Variants in ZNF277 observed in about 807,000 individuals in gnomAD.
The protein encoded by ZNF277 is nuclear receptor-interacting factor 4.
Under a neutral mutation model 60.7 loss-of-function variants are expected in ZNF277, and 55 were observed. That is an observed-to-expected ratio of 0.91 (90% CI 0.73 to 1.13). The LOEUF (loss-of-function observed/expected upper bound fraction) is 1.13. ZNF277 is among the 50% of genes most tolerant of loss of function. The probability of loss-of-function intolerance (pLI) is 0.00; values close to 1 mark genes in which losing one functional copy is unlikely to be tolerated. For missense variants in ZNF277, 510 were observed against 523.0 expected (o/e 0.98, Z 0.24); for synonymous variants, 178 against 179.3 (o/e 0.99, Z 0.06).
At chr7:112,281,299 T>C (rs1168493420) in intron 1 of ZNF277, among the ~76,000 whole-genome samples, 1 of 152,110 alleles carries the variant, frequency 6.6e-6, no homozygotes, top group East Asian at 1.9e-4. Flanking sequence ...GCTCTCCAGG[T>C]GATAAAACTC....
Position 112,291,227 on chromosome 7 carries a change from A to G in ZNF277, c.293+4153A>G, listed in dbSNP as rs6979924. Among the ~76,000 whole-genome samples the G allele has an allele frequency of 9.5e-3, 1,452 of 152,220 alleles. 18 individuals are homozygous for G. The highest frequency in any genetic ancestry group is 0.033 in the African/African-American group (1,359 of 41,540). ...AACTTCTTATTTCTTACCCTTTTCT[A>G]TATTAAATTCCACACATTCACTGCT... On this transcript the variant is annotated intron_variant, in intron 2 of 11. Coordinates refer to ENST00000361822, the MANE Select transcript of ZNF277 (RefSeq NM_021994.3).
chr7:112,259,191 A>G (rs1791388169), intron 1 of ZNF277, among the ~76,000 whole-genome samples: 1 of 152,118 alleles, frequency 6.6e-6, no homozygotes. Context: ...ATTTTGTTTC[A>G]TTACCCCCAA....
At chr7:112,245,633 G>A (rs1448176508) in intron 1 of ZNF277, among the ~76,000 whole-genome samples, 1 of 152,104 alleles carries the variant, frequency 6.6e-6, no homozygotes, top group Admixed American at 6.5e-5. Context: ...CCTACCTTCT[G>A]GTGACTTTCC....
intron 1 of ZNF277, among the ~76,000 whole-genome samples, chr7:112,268,413 A>G (rs148449364): frequency 0.017 from 2,634 of 152,066 alleles, 35 homozygotes; most frequent in Non-Finnish European, 0.026. Context: ...AGTTTTTCTC[A>G]GGAGCTTGGA....
intron 2 of ZNF277, among the ~76,000 whole-genome samples, chr7:112,291,288 T>A (rs1231242111): frequency 1.3e-5 from 2 of 152,154 alleles, no homozygotes; most frequent in Admixed American, 1.3e-4. Context: ...CCTTTATGAC[T>A]ATGTCAATAA....
chr7:112,314,372 G>GA (rs1383709337), intron 4 of ZNF277, among the ~76,000 whole-genome samples: 1 of 152,142 alleles, frequency 6.6e-6, no homozygotes, highest in Non-Finnish European at 1.5e-5. Flanking sequence ...AGTGGCTTCA[G>GA]AAATCATAGT....
chr7:112,313,951 A>G (rs1196853276), intron 4 of ZNF277, among the ~76,000 whole-genome samples: 1 of 152,136 alleles, frequency 6.6e-6, no homozygotes, highest in Non-Finnish European at 1.5e-5. Flanking sequence ...TTGAGAATCT[A>G]CTATAAGAAA....
intron 4 of ZNF277, among the ~76,000 whole-genome samples, chr7:112,312,008 G>A (rs1317066747): frequency 6.6e-6 from 1 of 152,044 alleles, no homozygotes; most frequent in African/African-American, 2.4e-5. Flanking sequence ...AGAAATAGAA[G>A]CCATGGGAAA....
At chr7:112,235,046 T>C (rs1397549523) in intron 1 of ZNF277, among the ~76,000 whole-genome samples, 1 of 152,018 alleles carries the variant, frequency 6.6e-6, no homozygotes, top group African/African-American at 2.4e-5. Context: ...CCTGCAGAAA[T>C]TTATTTTATT....
intron 1 of ZNF277, among the ~76,000 whole-genome samples, chr7:112,257,904 C>T (rs555476631): frequency 3.3e-5 from 5 of 152,038 alleles, no homozygotes; most frequent in South Asian, 2.1e-4. Context: ...ACCCCGAACT[C>T]CTAGGCTCAA....
chr7:112,310,484 T>A (rs1380619211), intron 4 of ZNF277, among the ~76,000 whole-genome samples: 3,679 of 94,280 alleles, frequency 0.039, 282 homozygotes, highest in African/African-American at 0.19. Context: ...AGAGAGTGTG[T>A]GTGTGTGTAT....
rs1377855255 is a variant in ZNF277 at position 112,210,478 on chromosome 7, G to GT, written c.91+3682dup. On this transcript the variant is annotated intron_variant, in intron 1 of 11. Coordinates refer to ENST00000361822, the MANE Select transcript of ZNF277 (RefSeq NM_021994.3). The stretch of plus-strand genomic sequence containing the variant: ...TTTTTGTTTTTTGTTTTTTTTTTTT[G>GT]TTTTTTTTTTTGAGACAGAGTCCTG... 3.2e-3 allele frequency among the ~76,000 whole-genome samples: 370 copies of GT among 116,848 alleles called. 4 individuals are homozygous for GT. Among genetic ancestry groups the GT allele is most frequent in the African/African-American group, 9.5e-3 (302 of 31,862 alleles). The allele number at this position is 116,848 out of a possible 152,430, so 76.7% of individuals were successfully genotyped here.
intron 1 of ZNF277, among the ~76,000 whole-genome samples, chr7:112,241,709 G>A: frequency 6.6e-6 from 1 of 152,134 alleles, no homozygotes; most frequent in East Asian, 1.9e-4. Flanking sequence ...CAACAACATG[G>A]ATGGAATTGG....
intron 1 of ZNF277, among the ~76,000 whole-genome samples, chr7:112,233,617 G>C (rs1454814271): frequency 6.6e-6 from 1 of 152,180 alleles, no homozygotes; most frequent in Admixed American, 6.5e-5. Flanking sequence ...TATTGGCAGT[G>C]CTCTTTTTTC....
At chr7:112,296,103 T>C in intron 3 of ZNF277, 126 bp from the exon 4 acceptor site, 1 of 1,001,050 alleles carries the variant, frequency 1.0e-6, no homozygotes, top group South Asian at 1.4e-5. Context: ...TGAATAAAGC[T>C]AAAACAGTTC....
At chr7:112,249,445 G>C (rs1056960559) in intron 1 of ZNF277, among the ~76,000 whole-genome samples, 1 of 152,132 alleles carries the variant, frequency 6.6e-6, no homozygotes, top group African/African-American at 2.4e-5. Context: ...GGAAGAGAGA[G>C]GTCTGCTTAG....
intron 1 of ZNF277, among the ~76,000 whole-genome samples, chr7:112,273,709 A>C (rs1340767570): frequency 6.6e-6 from 1 of 152,138 alleles, no homozygotes; most frequent in Non-Finnish European, 1.5e-5. Context: ...GAAAAGATGT[A>C]GATTCTTCTG....
chr7:112,246,520 G>T (rs1021179364), intron 1 of ZNF277, among the ~76,000 whole-genome samples: 1 of 152,194 alleles, frequency 6.6e-6, no homozygotes, highest in Admixed American at 6.5e-5. Context: ...GTAAATGGAA[G>T]ATGAGAAGAA....
intron 1 of ZNF277, among the ~76,000 whole-genome samples, chr7:112,214,196 C>A: frequency 6.6e-6 from 1 of 152,162 alleles, no homozygotes; most frequent in East Asian, 1.9e-4. Flanking sequence ...TCTGGAAAAA[C>A]TGTAAAGAGG....
Sources: gnomAD v4.1 joint callset for allele counts (sites outside exome capture counted in the v4.1 genomes callset) on GRCh38, gnomAD v4.1.1 for gene constraint, MANE v1.5 for transcripts, NCBI Gene and HGNC (gene_info 2026-07-23, HGNC 2026-07-21) for gene names.